The following RNF152 variants were observed in gnomAD, a reference collection of about 807,000 sequenced individuals.
RNF152 encodes E3 ubiquitin-protein ligase RNF152.
In RNF152, 11 loss-of-function variants were observed where a neutral mutation model predicts 12.7. The observed-to-expected ratio is 0.86, with a 90% confidence interval of 0.54 to 1.43. The LOEUF (loss-of-function observed/expected upper bound fraction) is 1.43. Among genes scored for constraint, RNF152 ranks in the 40% most tolerant of loss-of-function variants. RNF152 has a pLI of 0.00. For synonymous variants in RNF152, 113 were observed against 120.3 expected (o/e 0.94, Z 0.40); for missense variants, 255 against 274.8 (o/e 0.93, Z 0.51).
At chr18:61,820,333 A>AC (rs1909336132) in intron 1 of RNF152, among the ~76,000 whole-genome samples, 1 of 140,004 alleles carries the variant, frequency 7.1e-6, no homozygotes, top group African/African-American at 2.7e-5. Context: ...CGTCTCACCA[A>AC]AAAAAAAAAA....
At chr18:61,834,333 C>A (rs1033343346) in intron 1 of RNF152, among the ~76,000 whole-genome samples, 1 of 152,238 alleles carries the variant, frequency 6.6e-6, no homozygotes, top group Non-Finnish European at 1.5e-5. Flanking sequence ...ATGTCTATCA[C>A]CTCCTCCAAG....
At chr18:61,844,175 AAGAG>A (rs200817499) in intron 1 of RNF152, among the ~76,000 whole-genome samples, 2 of 110,394 alleles carry the variant, frequency 1.8e-5, no homozygotes, top group East Asian at 5.3e-4. Flanking sequence ...GGAAGGGAGG[AAGAG>A]AGGAAGGAAG....
At chr18:61,833,505 C>G (rs921752658) in intron 1 of RNF152, among the ~76,000 whole-genome samples, 1 of 152,156 alleles carries the variant, frequency 6.6e-6, no homozygotes. Context: ...ATTGTCGAAA[C>G]TCCTCTGCGT....
chr18:61,848,279 A>C (rs1910823878), intron 1 of RNF152, among the ~76,000 whole-genome samples: 1 of 152,106 alleles, frequency 6.6e-6, no homozygotes, highest in African/African-American at 2.4e-5. Flanking sequence ...CAACAGCTAA[A>C]GTTTTCTAGC....
intron 1 of RNF152, among the ~76,000 whole-genome samples, chr18:61,884,740 G>A (rs1171738850): frequency 6.6e-6 from 1 of 152,116 alleles, no homozygotes; most frequent in Non-Finnish European, 1.5e-5. Flanking sequence ...GTATCTTTTA[G>A]TAGAGACGGG....
At chr18:61,857,565 T>G (rs1911280488) in intron 1 of RNF152, among the ~76,000 whole-genome samples, 1 of 152,162 alleles carries the variant, frequency 6.6e-6, no homozygotes, top group Non-Finnish European at 1.5e-5. Flanking sequence ...GCTATAATTT[T>G]TCTTCAAACC....
Position 61,891,787 on chromosome 18 carries a change from A to G in RNF152, c.-136+1008T>C, listed in dbSNP as rs573278446. Among the ~76,000 whole-genome samples the G allele has an allele frequency of 3.9e-5, 6 of 152,338 alleles. No homozygotes were observed. In the South Asian group the frequency reaches 1.2e-3, roughly 32 times the overall value. The stretch of plus-strand genomic sequence containing the variant: ...TTTCAAGTTTTTAACTTCATTTTTC[A>G]AGGGATTTGGAGGAAAATGGTGAAG... On this transcript the variant is annotated intron_variant, in intron 1 of 1. Transcript: ENST00000312828.
chr18:61,815,720 C>T lies in RNF152; in HGVS notation c.*132G>A, dbSNP rs1909032123. ...CCCTTTGTGTCTGTCTTGGGGTAAT[C>T]AAGAGGCAACCCAGAGGCCAGCGCT... On this transcript the variant is annotated 3_prime_UTR_variant, in exon 2 of 2. Coordinates refer to ENST00000312828, the MANE Select transcript of RNF152 (RefSeq NM_173557.3). 1.0e-6 allele frequency: 1 copy of T among 989,046 alleles called. No homozygotes were observed. The highest frequency in any genetic ancestry group is 1.5e-6 in the Non-Finnish European group (1 of 658,632). The allele number at this position is 989,046 out of a possible 1,614,324, so 61.3% of individuals were successfully genotyped here.
At chr18:61,867,445 C>A (rs1483086508) in intron 1 of RNF152, among the ~76,000 whole-genome samples, 2 of 150,932 alleles carry the variant, frequency 1.3e-5, no homozygotes, top group Admixed American at 1.3e-4. Context: ...GAGTGAGACA[C>A]CATCTCAAAA....
At chr18:61,825,084 T>G (rs1909595435) in intron 1 of RNF152, among the ~76,000 whole-genome samples, 1 of 152,144 alleles carries the variant, frequency 6.6e-6, no homozygotes. Flanking sequence ...TCCTACTAAG[T>G]CTTACCAGCT....
intron 1 of RNF152, among the ~76,000 whole-genome samples, chr18:61,827,047 T>C (rs1411468045): frequency 6.6e-6 from 1 of 152,206 alleles, no homozygotes; most frequent in Non-Finnish European, 1.5e-5. Flanking sequence ...TTCAACAATA[T>C]GGGCAATGGC....
At chr18:61,883,479 G>A (rs542406790) in intron 1 of RNF152, among the ~76,000 whole-genome samples, 49 of 152,156 alleles carry the variant, frequency 3.2e-4, no homozygotes, top group African/African-American at 7.7e-4. Context: ...ATTCTGCCCC[G>A]CTTGCTCCTC....
intron 1 of RNF152, among the ~76,000 whole-genome samples, chr18:61,846,179 C>A (rs1295721315): frequency 1.3e-5 from 2 of 152,136 alleles, no homozygotes; most frequent in African/African-American, 4.8e-5. Context: ...CCTGAAAGGA[C>A]AAAGATACAC....
chr18:61,824,167 G>A (rs1909549568), intron 1 of RNF152, among the ~76,000 whole-genome samples: 1 of 152,174 alleles, frequency 6.6e-6, no homozygotes, highest in Non-Finnish European at 1.5e-5. Flanking sequence ...GTTTTTGTTT[G>A]TATATCTGCC....
intron 1 of RNF152, among the ~76,000 whole-genome samples, chr18:61,817,855 G>A (rs1909187553): frequency 6.6e-6 from 1 of 152,000 alleles, no homozygotes; most frequent in African/African-American, 2.4e-5. Context: ...ATTTCAGTAA[G>A]GGCTGCCTGA....
chr18:61,881,463 T>G (rs572445245), intron 1 of RNF152, among the ~76,000 whole-genome samples: 10 of 152,292 alleles, frequency 6.6e-5, no homozygotes, highest in African/African-American at 2.4e-4. Flanking sequence ...AGAGGAGAAG[T>G]GCAGATGGCA....
intron 1 of RNF152, among the ~76,000 whole-genome samples, chr18:61,819,822 A>T (rs1909292935): frequency 6.6e-6 from 1 of 151,002 alleles, no homozygotes. Flanking sequence ...GGAGTTTGAG[A>T]CCAGCCTAGT....
At chr18:61,836,652 C>A (rs1186613235) in intron 1 of RNF152, among the ~76,000 whole-genome samples, 9 of 152,112 alleles carry the variant, frequency 5.9e-5, no homozygotes, top group Non-Finnish European at 1.5e-5. Flanking sequence ...GTTCAACCCA[C>A]CCAGTCAATG....
intron 1 of RNF152, among the ~76,000 whole-genome samples, chr18:61,853,706 T>C (rs1326632467): frequency 6.6e-6 from 1 of 152,216 alleles, no homozygotes; most frequent in African/African-American, 2.4e-5. Flanking sequence ...TTGACTATTC[T>C]ACCTCTTTTT....
Sources: allele counts gnomAD v4.1 joint callset (sites outside exome capture counted in the v4.1 genomes callset), GRCh38; gene constraint gnomAD v4.1.1; transcripts MANE v1.5; gene names NCBI Gene and HGNC (gene_info 2026-07-23, HGNC 2026-07-21).